Variants in KLF15 observed in about 807,000 individuals in gnomAD.
The protein encoded by KLF15 is Krueppel-like factor 15.
In KLF15, 4 loss-of-function variants were observed where a neutral mutation model predicts 24.6. The ratio of observed to expected loss-of-function variants is 0.16; its 90% CI spans 0.08 to 0.37. The LOEUF is 0.37. Ranked by LOEUF, KLF15 falls within the 10% of genes least tolerant of loss-of-function variation. The probability of loss-of-function intolerance (pLI) is 1.00; values close to 1 mark genes in which losing one functional copy is unlikely to be tolerated. For synonymous variants in KLF15, 246 were observed against 236.3 expected (o/e 1.04, Z -0.37); for missense variants, 496 against 560.6 (o/e 0.88, Z 1.16).
the KLF15 span, among the ~76,000 whole-genome samples, chr3:126,323,421 A>ATATATGT: frequency 2.0e-4 from 7 of 35,470 alleles, 1 homozygote; most frequent in Non-Finnish European, 3.5e-4. Context: ...ATATATATAT[A>ATATATGT]TATATATATA....
the KLF15 span, among the ~76,000 whole-genome samples, chr3:126,308,707 A>G: frequency 6.6e-6 from 1 of 152,210 alleles, no homozygotes. Flanking sequence ...CTACGTGGAA[A>G]GAAGTCTTTC....
chr3:126,299,472 G>A, the KLF15 span, among the ~76,000 whole-genome samples: 1 of 151,908 alleles, frequency 6.6e-6, no homozygotes, highest in East Asian at 1.9e-4. Context: ...GATGACTGCC[G>A]GGCACGGTGG....
chr3:126,347,870 A>G (rs1303991238), intron 2 of KLF15, among the ~76,000 whole-genome samples: 2 of 152,180 alleles, frequency 1.3e-5, no homozygotes, highest in Admixed American at 1.3e-4. Flanking sequence ...ACACAGAGGT[A>G]TGAGGGGCCT....
At chr3:126,345,837 TCA>T (rs898399102) in intron 2 of KLF15, among the ~76,000 whole-genome samples, 6 of 152,174 alleles carry the variant, frequency 3.9e-5, no homozygotes, top group African/African-American at 1.2e-4. Context: ...CCGACTCACA[TCA>T]CAGAGTGGTG....
chr3:126,340,672 C>T (rs940240407), downstream of KLF15, among the ~76,000 whole-genome samples: 1 of 152,218 alleles, frequency 6.6e-6, no homozygotes, highest in Non-Finnish European at 1.5e-5. Context: ...TCCTGCTCTG[C>T]AGCCTTCCAG....
At chr3:126,290,506 ACCTT>A in the KLF15 span, among the ~76,000 whole-genome samples, 7,083 of 144,662 alleles carry the variant, frequency 0.049, 222 homozygotes, top group South Asian at 0.1. Context: ...CTTCCTTCCT[ACCTT>A]CCTTCCTTCC....
chr3:126,311,418 G>A, the KLF15 span, among the ~76,000 whole-genome samples: 5 of 152,192 alleles, frequency 3.3e-5, no homozygotes, highest in African/African-American at 7.2e-5. Flanking sequence ...TGTTCACCTC[G>A]GGTGAACCCT....
the KLF15 span, among the ~76,000 whole-genome samples, chr3:126,314,130 C>T: frequency 6.6e-6 from 1 of 152,132 alleles, no homozygotes; most frequent in Non-Finnish European, 1.5e-5. Context: ...CTCCCTCGCT[C>T]GGTGGCCAAC....
At chr3:126,301,603 TC>T in the KLF15 span, among the ~76,000 whole-genome samples, 1 of 143,532 alleles carries the variant, frequency 7.0e-6, no homozygotes, top group Non-Finnish European at 1.5e-5. Flanking sequence ...CTTTCTTTTT[TC>T]TTTTTCTTTT....
Position 126,352,390 on chromosome 3 carries a change from T to C in KLF15, c.533A>G (p.His178Arg). 6.2e-7 allele frequency: 1 copy of C among 1,612,836 alleles called. No homozygotes were observed. Among genetic ancestry groups the C allele is most frequent in the South Asian group, 1.1e-5 (1 of 91,008 alleles). The part of the protein sequence containing the change: ...DACSQLSAGP[H>R]KSHLHPGSSG... The stretch of plus-strand genomic sequence containing the variant: ...GGACCCAGGATGGAGGTGGCTCTTG[T>C]GTGGCCCAGCTGAGAGCTGGCTGCA... Residue 178 changes from histidine to arginine, a missense_variant, in exon 2 of 3, where the codon CAC becomes CGC. By Grantham distance (29) the His-to-Arg change is conservative (BLOSUM62 0). Around this residue, in one of 3 missense-constraint regions of KLF15, gnomAD observed 399 missense variants for 423.1 expected, o/e 0.94. Coordinates refer to ENST00000296233, the MANE Select transcript of KLF15 (RefSeq NM_014079.4).
the KLF15 span, among the ~76,000 whole-genome samples, chr3:126,311,861 G>A: frequency 2.0e-5 from 3 of 152,202 alleles, no homozygotes; most frequent in African/African-American, 7.2e-5. Context: ...CAGCCCTGCT[G>A]CTATCAACTG....
chr3:126,316,374 G>T, the KLF15 span, among the ~76,000 whole-genome samples: 2 of 151,334 alleles, frequency 1.3e-5, no homozygotes, highest in Non-Finnish European at 2.9e-5. Flanking sequence ...GAGTGGAGAA[G>T]GGAGTCCACC....
At chr3:126,299,205 A>ATGTATGTATGTAT in the KLF15 span, among the ~76,000 whole-genome samples, 1 of 150,374 alleles carries the variant, frequency 6.7e-6, no homozygotes, top group Non-Finnish European at 1.5e-5. Context: ...TATATTCCTA[A>ATGTATGTATGTAT]GTATGTATGT....
At chr3:126,294,902 C>T in the KLF15 span, among the ~76,000 whole-genome samples, 1 of 142,522 alleles carries the variant, frequency 7.0e-6, no homozygotes, top group Non-Finnish European at 1.5e-5. Context: ...CACACACACA[C>T]ACAGATACGT....
the KLF15 span, among the ~76,000 whole-genome samples, chr3:126,319,393 G>A: frequency 1.3e-5 from 2 of 152,294 alleles, no homozygotes; most frequent in Non-Finnish European, 1.5e-5. Context: ...GTGCCATTTG[G>A]CCTTCCCACC....
At chr3:126,333,405 A>T in the KLF15 span, among the ~76,000 whole-genome samples, 1 of 151,034 alleles carries the variant, frequency 6.6e-6, no homozygotes, top group Non-Finnish European at 1.5e-5. Flanking sequence ...CTGCCCTAAA[A>T]GAGCTCCTGA....
chr3:126,347,842 G>GGGA (rs1034340494), intron 2 of KLF15, among the ~76,000 whole-genome samples: 22 of 152,332 alleles, frequency 1.4e-4, no homozygotes, highest in African/African-American at 5.3e-4. Context: ...CAGCAGTGGA[G>GGGA]GGAGGGCACT....
At chr3:126,345,722 C>T (rs2082530469) in intron 2 of KLF15, among the ~76,000 whole-genome samples, 1 of 152,120 alleles carries the variant, frequency 6.6e-6, no homozygotes, top group Non-Finnish European at 1.5e-5. Flanking sequence ...TGGTGATGCC[C>T]TGGCGCCCTG....
At chr3:126,357,034 G>T (rs890907762) in intron 1 of KLF15, among the ~76,000 whole-genome samples, 7 of 148,354 alleles carry the variant, frequency 4.7e-5, no homozygotes, top group Admixed American at 1.3e-4. Flanking sequence ...GACCGGGGCG[G>T]GGGGGGTCAC....
Sources: gnomAD v4.1 joint callset for allele counts (sites outside exome capture counted in the v4.1 genomes callset) on GRCh38, gnomAD v4.1.1 for gene constraint, gnomAD v4.1.1 regional missense constraint, MANE v1.5 for transcripts, NCBI Gene and HGNC (gene_info 2026-07-23, HGNC 2026-07-21) for gene names.